The following SPIRE1 variants were observed in gnomAD, a reference collection of about 807,000 sequenced individuals.
SPIRE1 encodes the protein protein spire homolog 1.
SPIRE1 carries 40 observed loss-of-function variants against 94.1 expected under a neutral mutation model. The observed-to-expected ratio is 0.43, with a 90% CI of 0.33 to 0.55. The LOEUF is 0.55. Ranked by LOEUF, SPIRE1 falls within the 20% of genes least tolerant of loss-of-function variation. The pLI, the probability that SPIRE1 is intolerant of heterozygous loss-of-function variation, is 0.06. For missense variants in SPIRE1, 838 were observed against 975.2 expected (o/e 0.86, Z 1.87); for synonymous variants, 376 against 371.7 (o/e 1.01, Z -0.13).
intron 6 of SPIRE1, among the ~76,000 whole-genome samples, chr18:12,501,500 CAGCCTCCCGA>C (rs2033664717): frequency 6.6e-6 from 1 of 152,232 alleles, no homozygotes; most frequent in Non-Finnish European, 1.5e-5. Context: ...TCTCCTACCT[CAGCCTCCCGA>C]GTGGCTGGGA....
intron 1 of SPIRE1, chr18:12,656,872 C>T (rs2144918476): frequency 6.3e-6 from 1 of 158,270 alleles, no homozygotes. Flanking sequence ...TTCATCACAA[C>T]AAATTTTCAC....
At chr18:12,486,613 A>G (rs1481881202) in intron 8 of SPIRE1, among the ~76,000 whole-genome samples, 3 of 152,212 alleles carry the variant, frequency 2.0e-5, no homozygotes, top group Admixed American at 6.5e-5. Context: ...ACCCCAGGCA[A>G]GTTACTTAAC....
chr18:12,660,780 A>G (rs919847798), upstream of SPIRE1, among the ~76,000 whole-genome samples: 2 of 152,148 alleles, frequency 1.3e-5, no homozygotes, highest in Non-Finnish European at 2.9e-5. Flanking sequence ...CCAAGTAACA[A>G]TTCATGGTAT....
Position 12,493,107 on chromosome 18 carries a change from G to C in SPIRE1, c.1154C>G (p.Pro385Arg), listed in dbSNP as rs1188575260. Reference protein sequence around the residue: ...EEIKAERKLRPVSPEEIRRSR... With the variant: ...EEIKAERKLRRVSPEEIRRSR... ...ACGTCTAATCTCCTCTGGTGATACA[G>C]GCCGCAGCTTTCTTTCTGCTTTAAT... is the stretch of plus-strand genomic sequence containing the variant. The change falls in exon 8 of 17, where the codon CCT becomes CGT. Residue 385 changes from proline (P) to arginine (R), a missense_variant. Transcript: ENST00000409402. The C allele has an allele frequency of 1.2e-6, 2 of 1,613,410 alleles. No individual in the cohort carries two copies. The highest frequency in any genetic ancestry group is 1.7e-6 in the Non-Finnish European group (2 of 1,179,942).
At chr18:12,610,553 C>G (rs1426043440) in intron 2 of SPIRE1, among the ~76,000 whole-genome samples, 2 of 152,054 alleles carry the variant, frequency 1.3e-5, no homozygotes, top group African/African-American at 4.8e-5. Context: ...TTGGACAGAC[C>G]ACACACTGGT....
intron 8 of SPIRE1, among the ~76,000 whole-genome samples, chr18:12,487,349 A>G (rs966982603): frequency 6.6e-6 from 1 of 151,636 alleles, no homozygotes; most frequent in South Asian, 2.1e-4. Flanking sequence ...GTCTTGGCAT[A>G]TGTCTCCCCC....
intron 9 of SPIRE1, among the ~76,000 whole-genome samples, chr18:12,485,459 CA>C (rs1478830729): frequency 2.0e-5 from 3 of 152,200 alleles, no homozygotes. Context: ...AGGCTCTATC[CA>C]CTGAGCACAA....
At chr18:12,512,376 G>T in intron 5 of SPIRE1, 78 bp downstream of exon 5, 1 of 987,196 alleles carries the variant, frequency 1.0e-6, no homozygotes, top group Non-Finnish European at 1.5e-6. Context: ...AACAGAATGA[G>T]ACTCTGTCTC....
At chr18:12,582,235 C>T (rs1233751229) in intron 2 of SPIRE1, among the ~76,000 whole-genome samples, 3 of 152,192 alleles carry the variant, frequency 2.0e-5, no homozygotes, top group Non-Finnish European at 4.4e-5. Flanking sequence ...CTTCAATCCC[C>T]TTTGGTTATT....
Position 12,475,604 on chromosome 18 carries a change from G to GA in SPIRE1, c.1404+4094dup, listed in dbSNP as rs560850523. ...CAAAAAATTACTATAAAATGTGAAC[G>GA]AAAAAAAACCCTGTAATGTGACATG... On this transcript the variant is annotated intron_variant, in intron 10 of 16. Coordinates refer to ENST00000409402, the MANE Select transcript of SPIRE1 (RefSeq NM_001128626.2). 1.2e-4 allele frequency among the ~76,000 whole-genome samples: 18 copies of GA among 151,566 alleles called. No homozygotes were observed. In the South Asian group the frequency reaches 3.3e-3, roughly 28 times the overall value.
intron 2 of SPIRE1, among the ~76,000 whole-genome samples, chr18:12,576,255 A>C (rs1314585155): frequency 6.6e-6 from 1 of 151,962 alleles, no homozygotes; most frequent in Non-Finnish European, 1.5e-5. Context: ...TAGCCAGAAC[A>C]ATTTTGGAAA....
chr18:12,613,585 A>AT (rs2037203584), intron 2 of SPIRE1, among the ~76,000 whole-genome samples: 1 of 152,234 alleles, frequency 6.6e-6, no homozygotes, highest in Admixed American at 6.5e-5. Flanking sequence ...GAAAAAAAGA[A>AT]AATAAAATAG....
intron 2 of SPIRE1, among the ~76,000 whole-genome samples, chr18:12,615,345 A>AAAAAAAAAAATATATAT: frequency 1.2e-4 from 2 of 17,244 alleles, no homozygotes; most frequent in Non-Finnish European, 3.7e-4. Flanking sequence ...AAAAAAAAAA[A>AAAAAAAAAAATATATAT]ATATATATAT....
intron 2 of SPIRE1, among the ~76,000 whole-genome samples, chr18:12,574,244 T>A (rs1332119823): frequency 6.6e-6 from 1 of 152,194 alleles, no homozygotes. Context: ...TATTAATTTT[T>A]AAAAAAATAG....
At chr18:12,589,724 A>G (rs539326001) in intron 2 of SPIRE1, among the ~76,000 whole-genome samples, 80 of 152,316 alleles carry the variant, frequency 5.3e-4, no homozygotes, top group Non-Finnish European at 7.3e-4. Context: ...CCAACTGCCA[A>G]TTCCTTCTGG....
At chr18:12,550,207 C>T (rs772698131) in intron 2 of SPIRE1, among the ~76,000 whole-genome samples, 1 of 152,152 alleles carries the variant, frequency 6.6e-6, no homozygotes, top group African/African-American at 2.4e-5. Flanking sequence ...GCTCCCTTTA[C>T]AAGCAAACCT....
At chr18:12,483,728 TA>T (rs2032930304) in intron 9 of SPIRE1, among the ~76,000 whole-genome samples, 1 of 152,222 alleles carries the variant, frequency 6.6e-6, no homozygotes, top group African/African-American at 2.4e-5. Flanking sequence ...AGTTATCATC[TA>T]CACTATATGT....
intron 2 of SPIRE1, among the ~76,000 whole-genome samples, chr18:12,599,626 G>A (rs2036775981): frequency 2.6e-5 from 4 of 152,166 alleles, no homozygotes; most frequent in Admixed American, 2.6e-4. Flanking sequence ...GACACTGGAA[G>A]AATACAGGTC....
At chr18:12,567,338 A>G (rs1422538631) in intron 2 of SPIRE1, among the ~76,000 whole-genome samples, 1 of 152,194 alleles carries the variant, frequency 6.6e-6, no homozygotes, top group Non-Finnish European at 1.5e-5. Flanking sequence ...AGACACGGAG[A>G]GACACTCCAC....
Sources: allele counts gnomAD v4.1 joint callset (sites outside exome capture counted in the v4.1 genomes callset), GRCh38; gene constraint gnomAD v4.1.1; transcripts MANE v1.5; gene names NCBI Gene and HGNC (gene_info 2026-07-23, HGNC 2026-07-21).